Variants in ERBIN observed in about 807,000 individuals in gnomAD.
ERBIN encodes the protein erbb2 interacting protein, also known as densin-180-like protein.
Under a neutral mutation model 158.4 loss-of-function variants are expected in ERBIN, and 60 were observed. That is an observed-to-expected ratio of 0.38 (90% CI 0.31 to 0.47). The LOEUF (loss-of-function observed/expected upper bound fraction) is 0.47. Ranked by LOEUF, ERBIN falls within the 20% of genes least tolerant of loss-of-function variation. ERBIN has a pLI of 0.99. For synonymous variants in ERBIN, 594 were observed against 557.2 expected (o/e 1.07, Z -0.93); for missense variants, 1,610 against 1,648.0 (o/e 0.98, Z 0.40).
intron 4 of ERBIN, 104 bp downstream of exon 4, chr5:65,994,968 T>G (rs944682602): frequency 4.2e-6 from 3 of 706,644 alleles, no homozygotes; most frequent in Admixed American, 2.9e-5. Flanking sequence ...AAGTTAAATC[T>G]AATGTATTAA....
chr5:66,004,370 CTG>C (rs1038648349), intron 4 of ERBIN, among the ~76,000 whole-genome samples: 38 of 151,646 alleles, frequency 2.5e-4, no homozygotes, highest in South Asian at 1.5e-3. Context: ...AAAATTCAGT[CTG>C]TGTGTGCGTG....
At chr5:65,962,183 A>G (rs1270262210) in intron 1 of ERBIN, among the ~76,000 whole-genome samples, 1 of 152,198 alleles carries the variant, frequency 6.6e-6, no homozygotes, top group Non-Finnish European at 1.5e-5. Context: ...TTTACATTTG[A>G]ATGCAAAAGT....
intron 1 of ERBIN, among the ~76,000 whole-genome samples, chr5:65,946,519 T>G (rs1189457484): frequency 1.3e-5 from 2 of 152,218 alleles, no homozygotes; most frequent in East Asian, 1.9e-4. Context: ...TGCTACCAAT[T>G]TGTTGAATCA....
chr5:65,950,340 G>C (rs1430054605), intron 1 of ERBIN, among the ~76,000 whole-genome samples: 1 of 152,058 alleles, frequency 6.6e-6, no homozygotes, highest in African/African-American at 2.4e-5. Flanking sequence ...GTCTTTCCTT[G>C]TTTTTCATGA....
chr5:66,000,411 C>T (rs1255734246), intron 4 of ERBIN, among the ~76,000 whole-genome samples: 1 of 152,066 alleles, frequency 6.6e-6, no homozygotes, highest in Non-Finnish European at 1.5e-5. Flanking sequence ...AGTTAGGCAA[C>T]CTATTAGACT....
Position 66,054,508 on chromosome 5 carries a change from C to T in ERBIN, c.3190C>T (p.Arg1064Ter), listed in dbSNP as rs1759391057. 6.2e-7 allele frequency: 1 copy of T among 1,614,142 alleles called. No individual in the cohort carries two copies. The highest frequency in any genetic ancestry group is 8.5e-7 in the Non-Finnish European group (1 of 1,180,014). The change falls in exon 21 of 26, where the codon CGA becomes TGA. Residue 1064 changes from arginine (R) to a stop codon, truncating the protein, a stop_gained. Transcript: ENST00000284037. LOFTEE classifies it high-confidence loss of function. The stretch of plus-strand genomic sequence containing the variant: ...AATGTGGGCCATCTCACCAAACGAC[C>T]GACTTATTCCTGCAGTAACTCGAAG... ...GEMWAISPNDRLIPAVTRSTI... is the reference protein window; with the variant it reads ...GEMWAISPND
intron 1 of ERBIN, among the ~76,000 whole-genome samples, chr5:65,935,229 A>G (rs957616567): frequency 1.3e-5 from 2 of 152,126 alleles, no homozygotes; most frequent in Non-Finnish European, 2.9e-5. Context: ...TGCATTTTCA[A>G]CCTGTGATAT....
chr5:65,985,986 G>T (rs1372506176), intron 1 of ERBIN, among the ~76,000 whole-genome samples: 3 of 151,946 alleles, frequency 2.0e-5, no homozygotes, highest in African/African-American at 4.8e-5. Flanking sequence ...TTGGAGTGGG[G>T]TGTTTTCTTT....
intron 1 of ERBIN, among the ~76,000 whole-genome samples, chr5:65,932,805 T>A (rs1743602777): frequency 6.6e-6 from 1 of 152,214 alleles, no homozygotes; most frequent in African/African-American, 2.4e-5. Flanking sequence ...ATTTTTGTTT[T>A]TATTTTTTTG....
At chr5:65,953,181 A>G (rs1233334180) in intron 1 of ERBIN, among the ~76,000 whole-genome samples, 2 of 152,184 alleles carry the variant, frequency 1.3e-5, no homozygotes, top group East Asian at 3.8e-4. Flanking sequence ...TAGACATCCC[A>G]AGCAACATGT....
At position 66,072,335 on chromosome 5, in the gene ERBIN, A is replaced by G. The variant is rs572484544; in HGVS notation, c.3756+44A>G. On this transcript the variant is annotated intron_variant, in intron 22 of 25. Transcript: ENST00000284037. ...AAAATGTAGTATCTGTGAGCTTTCT[A>G]TATTTTGCAGCTTTTGGACTAGATA... 1.2e-5 allele frequency: 19 copies of G among 1,542,208 alleles called. 1 individual carries two copies. In the South Asian group the frequency reaches 1.8e-4, roughly 15 times the overall value.
chr5:66,078,648 A>G lies in ERBIN; in HGVS notation c.*118A>G. On this transcript the variant is annotated 3_prime_UTR_variant, in exon 26 of 26. Coordinates refer to ENST00000284037, the MANE Select transcript of ERBIN (RefSeq NM_001253697.2). ...GAAGAACTCAAAAAATTATGTTCAA[A>G]TTTGTACATTAATGAAATAATGGAA... The G allele has an allele frequency of 1.5e-6, 1 of 671,106 alleles. No homozygotes were observed. 41.6% of individuals were successfully genotyped at this position (671,106 alleles called of 1,614,324 possible).
At chr5:65,952,630 G>T (rs1488415789) in intron 1 of ERBIN, among the ~76,000 whole-genome samples, 1 of 152,046 alleles carries the variant, frequency 6.6e-6, no homozygotes, top group Admixed American at 6.5e-5. Flanking sequence ...TATGGAAATA[G>T]AAGAAAAACA....
Position 65,979,471 on chromosome 5 carries a change from C to T in ERBIN, c.-57-9164C>T, listed in dbSNP as rs547117109. ...AGTAAAAATTATACTGAATTTCTGA[C>T]TATTACCTTACAGTGTCTAGAATAT... is the stretch of plus-strand genomic sequence containing the variant. On this transcript the variant is annotated intron_variant, in intron 1 of 25. Transcript: ENST00000284037. Among the ~76,000 whole-genome samples the T allele has an allele frequency of 7.9e-5, 12 of 152,174 alleles. No homozygotes were observed. The South Asian group carries it at 1.9e-3, about 24-fold the overall frequency.
intron 1 of ERBIN, among the ~76,000 whole-genome samples, chr5:65,963,792 C>CTT (rs5868429): frequency 3.8e-4 from 47 of 122,970 alleles, no homozygotes; most frequent in African/African-American, 1.3e-3. Context: ...TCTTTCTTTT[C>CTT]TTTTTTTTTT....
chr5:66,051,907 A>AAAAAAAAG (rs1554065281), intron 20 of ERBIN, among the ~76,000 whole-genome samples: 2 of 148,770 alleles, frequency 1.3e-5, no homozygotes, highest in African/African-American at 5.1e-5. Flanking sequence ...AAAAAAAAAA[A>AAAAAAAAG]AGAGACAGAT....
At chr5:65,990,937 A>G (rs1751811370) in intron 2 of ERBIN, among the ~76,000 whole-genome samples, 1 of 151,656 alleles carries the variant, frequency 6.6e-6, no homozygotes, top group Non-Finnish European at 1.5e-5. Flanking sequence ...ATTTTTTTGT[A>G]TAAAGATGGG....
intron 23 of ERBIN, 78 bp from the exon 24 acceptor site, chr5:66,076,238 C>T (rs1761973336): frequency 2.9e-6 from 3 of 1,026,356 alleles, no homozygotes; most frequent in Non-Finnish European, 3.0e-6. Context: ...CTTAACCAAT[C>T]AGTATTTAAA....
At chr5:65,940,412 A>G (rs1331049152) in intron 1 of ERBIN, among the ~76,000 whole-genome samples, 2 of 103,944 alleles carry the variant, frequency 1.9e-5, no homozygotes, top group African/African-American at 4.4e-5. Flanking sequence ...TCCGGGAGGG[A>G]GGTGGGGGGG....
Sources: gnomAD v4.1 joint callset for allele counts (sites outside exome capture counted in the v4.1 genomes callset) on GRCh38, gnomAD v4.1.1 for gene constraint, MANE v1.5 for transcripts, NCBI Gene and HGNC (gene_info 2026-07-23, HGNC 2026-07-21) for gene names.